FUBP1: variants seen among roughly 807,000 people sequenced by gnomAD.
FUBP1 encodes far upstream element-binding protein 1.
In FUBP1, 16 loss-of-function variants were observed where a neutral mutation model predicts 94.9. That is an observed-to-expected ratio of 0.17 (90% confidence interval 0.11 to 0.26). The LOEUF (loss-of-function observed/expected upper bound fraction) is 0.26, where lower values mean the gene tolerates loss of function less well. Ranked by LOEUF, FUBP1 falls within the 10% of genes least tolerant of loss-of-function variation. The pLI, the probability that FUBP1 is intolerant of heterozygous loss-of-function variation, is 1.00. For missense variants in FUBP1, 583 were observed against 808.6 expected (o/e 0.72, Z 3.38); for synonymous variants, 279 against 254.9 (o/e 1.09, Z -0.90).
intron 12 of FUBP1, 78 bp from the exon 13 acceptor site, chr1:77,963,793 T>A: frequency 8.1e-7 from 1 of 1,240,422 alleles, no homozygotes; most frequent in Non-Finnish European, 1.1e-6. Flanking sequence ...TAAGTTTATT[T>A]TTCCCAGCTC....
intron 14 of FUBP1, 88 bp from the exon 15 acceptor site, chr1:77,960,583 CTCTTATAG>C: frequency 9.3e-7 from 1 of 1,075,136 alleles, no homozygotes; most frequent in Non-Finnish European, 1.3e-6. Context: ...CATTTCTACC[CTCTTATAG>C]TCACAAATAA....
At chr1:77,954,704 T>G (rs2102292261) in intron 18 of FUBP1, among the ~76,000 whole-genome samples, 1 of 152,288 alleles carries the variant, frequency 6.6e-6, no homozygotes, top group South Asian at 2.1e-4. Context: ...CTAGCTGTGG[T>G]ATGTAATAAT....
chr1:77,957,367 G>T (rs114556460), intron 16 of FUBP1, among the ~76,000 whole-genome samples: 2,350 of 152,174 alleles, frequency 0.015, 17 homozygotes, highest in Non-Finnish European at 0.026. Context: ...CCCTTTGGTT[G>T]TATCTCTTCA....
At chr1:77,961,489 T>C (rs896295825) in intron 14 of FUBP1, among the ~76,000 whole-genome samples, 1 of 152,200 alleles carries the variant, frequency 6.6e-6, no homozygotes, top group Non-Finnish European at 1.5e-5. Context: ...AGGCATTCTT[T>C]TAAGTGACAC....
At position 77,964,102 on chromosome 1, in the gene FUBP1, T is replaced by C. The variant is rs1396951096; in HGVS notation, c.1001A>G (p.His334Arg). 1.9e-6 allele frequency: 3 copies of C among 1,605,056 alleles called. No homozygotes were observed. Among genetic ancestry groups the C allele is most frequent in the East Asian group, 2.2e-5 (1 of 44,818 alleles). Residue 334 changes from histidine to arginine, a missense_variant, in exon 12 of 20, where the codon CAT (histidine) becomes CGT (arginine). Coordinates refer to ENST00000370768, the MANE Select transcript of FUBP1 (RefSeq NM_003902.5). The stretch of plus-strand genomic sequence containing the variant: ...AAGGTCTGTAATAATTTCTGCAGCA[T>C]GTTGACATCGGTCTGGAGGTCCTGT... ...QITGPPDRCQ[H>R]AAEIITDLLR... is the part of the protein sequence containing the mutation.
chr1:77,952,904 G>C (rs539039997), intron 18 of FUBP1, among the ~76,000 whole-genome samples: 5 of 152,286 alleles, frequency 3.3e-5, no homozygotes, highest in South Asian at 2.1e-4. Flanking sequence ...TTGCGAGGCT[G>C]AGGCGGGTGG....
At position 77,978,867 on chromosome 1, in the gene FUBP1, C is replaced by G; in HGVS notation, c.120+18G>C. ...TTACCGTGAGCTTTCGGGATTCCGC[C>G]GCGCGGTCCACACTTACCTGCCGGG... On this transcript the variant is annotated intron_variant, in intron 1 of 19. Transcript: ENST00000370768. The G allele has an allele frequency of 6.2e-7, 1 of 1,613,694 alleles. No individual in the cohort carries two copies. Among genetic ancestry groups the G allele is most frequent in the African/African-American group, 1.3e-5 (1 of 75,028 alleles).
Position 77,968,217 on chromosome 1 carries a change from T to C in FUBP1, c.212-14A>G, listed in dbSNP as rs758719360. 2.6e-5 allele frequency: 40 copies of C among 1,518,484 alleles called. No homozygotes were observed. Among genetic ancestry groups the C allele is most frequent in the African/African-American group, 1.4e-5 (1 of 69,084 alleles). The allele number at this position is 1,518,484 out of a possible 1,614,324, so 94.1% of individuals were successfully genotyped here. ...CATCTGGTTGATCTGCAAAATTAAG[T>C]GTCTTTTAATTTTTTGCCAATTAAG... On this transcript the variant is annotated splice_polypyrimidine_tract_variant and intron_variant, in intron 2 of 19. Coordinates refer to ENST00000370768, the MANE Select transcript of FUBP1 (RefSeq NM_003902.5).
At chr1:77,955,737 G>GGT (rs979605280) in intron 17 of FUBP1, among the ~76,000 whole-genome samples, 1 of 151,758 alleles carries the variant, frequency 6.6e-6, no homozygotes, top group African/African-American at 2.4e-5. Flanking sequence ...TGTGTTTTTT[G>GGT]GTGTGTGTAT....
chr1:77,963,482 G>A lies in FUBP1; in HGVS notation c.1183+92C>T, dbSNP rs567662547. ...TCTTTTCTACTAAAATACGGTCAGA[G>A]AAAAAGCATTGCCACTTGTTTACGA... is the stretch of plus-strand genomic sequence containing the variant. On this transcript the variant is annotated intron_variant, in intron 13 of 19. Transcript: ENST00000370768. 5 of 668,770 alleles carry A rather than the reference G, an allele frequency of 7.5e-6. No individual in the cohort carries two copies. The South Asian group carries it at 1.1e-4, about 15-fold the overall frequency. The allele number at this position is 668,770 out of a possible 1,614,324, so 41.4% of individuals were successfully genotyped here.
intron 18 of FUBP1, among the ~76,000 whole-genome samples, chr1:77,952,950 C>A (rs1019003907): frequency 6.6e-6 from 1 of 151,466 alleles, no homozygotes; most frequent in African/African-American, 2.4e-5. Flanking sequence ...CCAGCCTGGC[C>A]AACATGGTGA....
chr1:77,962,293 G>A (rs1655633692), intron 14 of FUBP1, among the ~76,000 whole-genome samples: 1 of 152,046 alleles, frequency 6.6e-6, no homozygotes, highest in Non-Finnish European at 1.5e-5. Flanking sequence ...TGTAGGAGTG[G>A]GAAGCACCCA....
rs760294646 is a variant in FUBP1, at chr1:77,963,558, G to GTTTAA, written c.1183+11_1183+15dup. The GTTTAA allele has an allele frequency of 4.3e-5, 64 of 1,484,780 alleles. No homozygotes were observed. The highest frequency in any genetic ancestry group is 5.7e-5 in the Non-Finnish European group (61 of 1,064,808). 92.0% of individuals were successfully genotyped at this position (1,484,780 alleles called of 1,614,324 possible). A position where few individuals can be genotyped will look rare whatever the true frequency, so the allele number is the denominator to read the frequency against. The stretch of plus-strand genomic sequence containing the variant: ...TGAATAATGTGTTAAAACATTAAGA[G>GTTTAA]TTTAAAATACATTGCCTTTTCCTAT... On this transcript the variant is annotated intron_variant, in intron 13 of 19. Coordinates refer to ENST00000370768, the MANE Select transcript of FUBP1 (RefSeq NM_003902.5).
intron 16 of FUBP1, among the ~76,000 whole-genome samples, chr1:77,958,435 C>T (rs1364479795): frequency 2.6e-5 from 4 of 152,122 alleles, no homozygotes; most frequent in Admixed American, 6.5e-5. Flanking sequence ...TACATAAATC[C>T]ATTAACAGAC....
chr1:77,965,236 T>TA lies in FUBP1; in HGVS notation c.474-6dup. 6.3e-7 allele frequency: 1 copy of TA among 1,587,104 alleles called. No individual in the cohort carries two copies. Among genetic ancestry groups the TA allele is most frequent in the Non-Finnish European group, 8.6e-7 (1 of 1,158,536 alleles). On this transcript the variant is annotated splice_polypyrimidine_tract_variant and splice_region_variant and intron_variant, in intron 7 of 19. Coordinates refer to ENST00000370768, the MANE Select transcript of FUBP1 (RefSeq NM_003902.5). ...TCCAGTAACCGTTTTGCTGACCTGT[T>TA]AACAAATTAATATTTAAATAGTAAG...
chr1:77,950,177 T>C (rs1186406991), intron 18 of FUBP1, among the ~76,000 whole-genome samples: 4 of 152,224 alleles, frequency 2.6e-5, no homozygotes, highest in African/African-American at 9.6e-5. Context: ...GGTATTTATT[T>C]TCAGACAGGG....
rs2102374152 is a variant in FUBP1, at chr1:77,962,794, C to T, written c.1320G>A (p.Arg440=). The T allele has an allele frequency of 6.2e-7, 1 of 1,611,218 alleles. No individual in the cohort carries two copies. The highest frequency in any genetic ancestry group is 8.5e-7 in the Non-Finnish European group (1 of 1,177,940). ...CACCAATCTTTTCTTCTATGAGTTG[C>T]CGAGCATAGTCTATCTGTTGTGGAG... ...RGTPQQIDYA[R]QLIEEKIGGP... The change falls in exon 14 of 20, where the codon CGG becomes CGA. Residue 440 remains arginine (R), a synonymous_variant. Transcript: ENST00000370768.
chr1:77,962,660 A>T (rs755551334), intron 14 of FUBP1, 110 bp downstream of exon 14: 1 of 598,986 alleles, frequency 1.7e-6, no homozygotes, highest in Non-Finnish European at 2.9e-6. Flanking sequence ...GAAATCTATA[A>T]ATGCTGACTA....
At position 77,956,776 on chromosome 1, in the gene FUBP1, G is replaced by C. The variant is rs571651898; in HGVS notation, c.1577-76C>G. 180 of 1,045,512 alleles carry C rather than the reference G, an allele frequency of 1.7e-4. No homozygotes were observed. In the African/African-American group the frequency reaches 2.6e-3, roughly 15 times the overall value. The allele number at this position is 1,045,512 out of a possible 1,614,324, so 64.8% of individuals were successfully genotyped here. A position where few individuals can be genotyped will look rare whatever the true frequency, so the allele number is the denominator to read the frequency against. ...TCACACACACACACACCACCCCCCCGCCCAGCTCTCTGGCAAATATACAGC... is the reference window on the plus strand; with the variant it reads ...TCACACACACACACACCACCCCCCCCCCCAGCTCTCTGGCAAATATACAGC... On this transcript the variant is annotated intron_variant, in intron 16 of 19. Transcript: ENST00000370768.
Sources: gnomAD v4.1 joint callset for allele counts (sites outside exome capture counted in the v4.1 genomes callset) on GRCh38, gnomAD v4.1.1 for gene constraint, MANE v1.5 for transcripts, NCBI Gene and HGNC (gene_info 2026-07-23, HGNC 2026-07-21) for gene names.